DMD: variants seen among roughly 807,000 people sequenced by gnomAD.
The protein encoded by DMD is dystrophin, also known as mutant dystrophin.
DMD carries 63 observed loss-of-function variants against 330.1 expected under a neutral mutation model. That is an observed-to-expected ratio of 0.19 (90% CI 0.16 to 0.24). DMD has a LOEUF of 0.24. Ranked by LOEUF, DMD falls within the 10% of genes least tolerant of loss-of-function variation. DMD has a pLI of 1.00. For missense variants in DMD, 3,344 were observed against 2,684.1 expected (o/e 1.25, Z -5.43); for synonymous variants, 1,223 against 959.8 (o/e 1.27, Z -5.07).
intron 29 of DMD, 183 bp from the exon 30 acceptor site, chrX:32,412,096 A>G: frequency 8.5e-7 from 1 of 1,170,283 alleles, no homozygotes; most frequent in Non-Finnish European, 1.1e-6. Context: ...AAGGAGAAAA[A>G]TAAATAGCAA....
At chrX:32,944,895 C>T (rs1011074367) in intron 2 of DMD, among the ~76,000 whole-genome samples, 1 of 110,757 alleles carries the variant, frequency 9.0e-6, no homozygotes. Flanking sequence ...CGTGAGACAC[C>T]GCACCCAGCC....
chrX:32,968,459 C>A (rs903791623), intron 2 of DMD, among the ~76,000 whole-genome samples: 2 of 109,965 alleles, frequency 1.8e-5, no homozygotes, highest in Non-Finnish European at 3.8e-5. Flanking sequence ...GAGAGTATGT[C>A]AAGATAATAC....
chrX:31,894,510 A>T (rs2094304266), intron 47 of DMD, among the ~76,000 whole-genome samples: 1 of 112,034 alleles, frequency 8.9e-6, no homozygotes, highest in Non-Finnish European at 1.9e-5. Context: ...GAAACAAGTT[A>T]GGAAAATGCA....
chrX:31,403,405 G>A (rs910347545), intron 60 of DMD, among the ~76,000 whole-genome samples: 1 of 111,420 alleles, frequency 9.0e-6, no homozygotes, highest in South Asian at 3.8e-4. Flanking sequence ...CGTTAAATCC[G>A]CTGTTCTGAA....
At chrX:31,222,985 C>G in intron 64 of DMD, 62 bp downstream of exon 64, 3 of 1,040,631 alleles carry the variant, frequency 2.9e-6, no homozygotes, top group Non-Finnish European at 4.1e-6. Context: ...ATGTACCCAA[C>G]CTACTTTTTA....
At chrX:33,122,206 C>G (rs921821571) in intron 1 of DMD, among the ~76,000 whole-genome samples, 4 of 111,852 alleles carry the variant, frequency 3.6e-5, no homozygotes, top group Admixed American at 1.9e-4. Flanking sequence ...GCCTGGGTGA[C>G]AGAGTGAGAC....
At chrX:32,844,417 A>AAAAAGAAAAGAAAAGAAAAG (rs1281080010) in intron 4 of DMD, among the ~76,000 whole-genome samples, 4 of 59,240 alleles carry the variant, frequency 6.8e-5, no homozygotes, top group African/African-American at 3.6e-4. Flanking sequence ...AAAAAAAAAA[A>AAAAAGAAAAGAAAAGAAAAG]AAAAGAAAAG....
At chrX:31,294,383 T>C in intron 62 of DMD, among the ~76,000 whole-genome samples, 1 of 112,347 alleles carries the variant, frequency 8.9e-6, no homozygotes, top group Middle Eastern at 4.6e-3. Context: ...CATGGGGCTA[T>C]CTATAAGTTA....
intron 1 of DMD, among the ~76,000 whole-genome samples, chrX:33,248,134 C>T (rs767593858): frequency 5.2e-4 from 58 of 111,195 alleles, no homozygotes; most frequent in African/African-American, 1.5e-3. Context: ...CTCCGCCTCC[C>T]GGGTTCACAC....
chrX:33,041,297 G>A (rs2094295418), intron 1 of DMD: 3 of 925,116 alleles, frequency 3.2e-6, no homozygotes, highest in Non-Finnish European at 3.0e-6. Context: ...CTGCGCATGC[G>A]CGCCGGCGAC....
At chrX:31,865,032 A>C (rs755933665) in intron 48 of DMD, among the ~76,000 whole-genome samples, 5 of 112,422 alleles carry the variant, frequency 4.4e-5, no homozygotes, top group Non-Finnish European at 9.4e-5. Context: ...ACTGGGATTC[A>C]AACTTAGTCT....
At chrX:32,316,044 C>G (rs780584948) in intron 41 of DMD, among the ~76,000 whole-genome samples, 1 of 111,149 alleles carries the variant, frequency 9.0e-6, no homozygotes, top group African/African-American at 3.3e-5. Context: ...GAAATATTAG[C>G]CATTGAACTG....
intron 16 of DMD, among the ~76,000 whole-genome samples, chrX:32,553,967 C>T (rs760708996): frequency 8.9e-6 from 1 of 112,191 alleles, no homozygotes; most frequent in African/African-American, 3.2e-5. Context: ...CTGGGTGGGA[C>T]CTCCCTGAGG....
intron 24 of DMD, among the ~76,000 whole-genome samples, chrX:32,464,218 A>T (rs951925337): frequency 2.4e-4 from 27 of 112,062 alleles, no homozygotes; most frequent in African/African-American, 8.4e-4. Flanking sequence ...ACTGCATTTT[A>T]TAGTAAAATA....
chrX:31,727,028 A>C (rs2086111475), intron 52 of DMD, among the ~76,000 whole-genome samples: 1 of 112,270 alleles, frequency 8.9e-6, no homozygotes, highest in Non-Finnish European at 1.9e-5. Flanking sequence ...TATGAAAAAA[A>C]AATGCAGGGG....
At chrX:31,609,450 G>T (rs912397705) in intron 55 of DMD, among the ~76,000 whole-genome samples, 7 of 111,812 alleles carry the variant, frequency 6.3e-5, no homozygotes, top group Non-Finnish European at 1.3e-4. Context: ...AGAGCAAAAA[G>T]TCTTCTTAGT....
intron 44 of DMD, among the ~76,000 whole-genome samples, chrX:32,178,552 A>G (rs909022417): frequency 7.3e-5 from 8 of 109,289 alleles, no homozygotes; most frequent in Non-Finnish European, 1.3e-4. Context: ...GATGTATATT[A>G]TATCTTTTAA....
intron 1 of DMD, among the ~76,000 whole-genome samples, chrX:33,050,116 A>C (rs1389638643): frequency 8.9e-6 from 1 of 112,083 alleles, no homozygotes; most frequent in Non-Finnish European, 1.9e-5. Flanking sequence ...AACTGTAGAA[A>C]AGAGTGAATA....
At chrX:31,957,050 G>T (rs2095253427) in intron 45 of DMD, among the ~76,000 whole-genome samples, 1 of 111,755 alleles carries the variant, frequency 8.9e-6, no homozygotes, top group Non-Finnish European at 1.9e-5. Flanking sequence ...GTGTATGGGG[G>T]CCAGACGTCG....
Sources: gnomAD v4.1 joint callset for allele counts (sites outside exome capture counted in the v4.1 genomes callset) on GRCh38, gnomAD v4.1.1 for gene constraint, MANE v1.5 for transcripts, NCBI Gene and HGNC (gene_info 2026-07-23, HGNC 2026-07-21) for gene names.